The following FGF13 variants were observed in gnomAD, a reference collection of about 807,000 sequenced individuals.
The protein encoded by FGF13 is fibroblast growth factor homologous factor 2.
FGF13 carries 2 observed loss-of-function variants against 19.5 expected under a neutral mutation model. The ratio of observed to expected loss-of-function variants is 0.10; its 90% CI spans 0.04 to 0.32. The LOEUF (loss-of-function observed/expected upper bound fraction) is 0.32, where lower values mean the gene tolerates loss of function less well. FGF13 is among the 10% of genes least tolerant of loss of function. The pLI is 1.00. For synonymous variants in FGF13, 72 were observed against 76.9 expected (o/e 0.94, Z 0.33); for missense variants, 113 against 192.7 (o/e 0.59, Z 2.45).
intron 1 of FGF13, among the ~76,000 whole-genome samples, chrX:138,872,630 A>G (rs970559894): frequency 1.8e-5 from 2 of 111,999 alleles, no homozygotes; most frequent in African/African-American, 6.5e-5. Context: ...CAGAGCTTAC[A>G]TGGGGCAGGG....
chrX:139,137,548 C>G (rs2083810440), intron 1 of FGF13, among the ~76,000 whole-genome samples: 1 of 111,985 alleles, frequency 8.9e-6, no homozygotes, highest in Admixed American at 9.5e-5. Context: ...CTCATTAGGG[C>G]TAAGCACACA....
intron 1 of FGF13, among the ~76,000 whole-genome samples, chrX:138,951,032 T>C (rs539754393): frequency 1.8e-5 from 2 of 112,003 alleles, no homozygotes; most frequent in South Asian, 7.5e-4. Context: ...TACTTGCTTA[T>C]TTAATAATGA....
chrX:138,643,150 A>G (rs1307047610), intron 3 of FGF13, among the ~76,000 whole-genome samples: 1 of 112,198 alleles, frequency 8.9e-6, no homozygotes, highest in East Asian at 2.8e-4. Context: ...TGCTGAAAAC[A>G]GAGCTAGGAC....
chrX:138,780,328 T>C (rs1292975777), intron 3 of FGF13, among the ~76,000 whole-genome samples: 2 of 97,590 alleles, frequency 2.0e-5, no homozygotes, highest in Non-Finnish European at 4.1e-5. Flanking sequence ...TAACTTTAAA[T>C]GTAAATGGAC....
chrX:138,977,913 G>A (rs1020884851), intron 1 of FGF13, among the ~76,000 whole-genome samples: 7 of 111,978 alleles, frequency 6.3e-5, no homozygotes, highest in East Asian at 2.8e-4. Context: ...ACTATATGTC[G>A]TCATATAAAT....
At chrX:138,880,794 C>A (rs972832979) in intron 1 of FGF13, among the ~76,000 whole-genome samples, 1 of 111,923 alleles carries the variant, frequency 8.9e-6, no homozygotes, top group African/African-American at 3.2e-5. Flanking sequence ...ATATGTATAT[C>A]CTTATGCCAG....
chrX:138,885,130 T>G (rs1331073164), intron 1 of FGF13, among the ~76,000 whole-genome samples: 3 of 111,836 alleles, frequency 2.7e-5, no homozygotes, highest in Admixed American at 1.9e-4. Context: ...GTCAGGTTCC[T>G]TAGGTAGAAG....
intron 1 of FGF13, among the ~76,000 whole-genome samples, chrX:138,963,417 C>A (rs1267103367): frequency 8.9e-6 from 1 of 112,584 alleles, no homozygotes; most frequent in East Asian, 2.8e-4. Flanking sequence ...CTATGTGACT[C>A]CCCTGGCTTG....
At chrX:138,941,849 A>G (rs1028427707) in intron 1 of FGF13, among the ~76,000 whole-genome samples, 1 of 112,116 alleles carries the variant, frequency 8.9e-6, no homozygotes, top group African/African-American at 3.2e-5. Flanking sequence ...TGTGTCTATG[A>G]TCAAGTCCCC....
At chrX:138,751,711 G>A (rs1285696334) in intron 3 of FGF13, among the ~76,000 whole-genome samples, 1 of 111,639 alleles carries the variant, frequency 9.0e-6, no homozygotes, top group South Asian at 3.8e-4. Flanking sequence ...CCTGTGTATG[G>A]AATGCATCGT....
intron 3 of FGF13, among the ~76,000 whole-genome samples, chrX:138,697,182 G>T (rs2124222824): frequency 8.9e-6 from 1 of 111,775 alleles, no homozygotes; most frequent in African/African-American, 3.2e-5. Flanking sequence ...TGTCACAACT[G>T]CTAAGGGGCT....
At chrX:139,181,428 CA>C (rs2084236863) in intron 1 of FGF13, among the ~76,000 whole-genome samples, 1 of 112,983 alleles carries the variant, frequency 8.9e-6, no homozygotes, top group African/African-American at 3.2e-5. Flanking sequence ...CTCCAAAGCT[CA>C]CCTTGGTTTT....
At chrX:139,191,921 G>C (rs1017414593) in intron 1 of FGF13, among the ~76,000 whole-genome samples, 3 of 111,360 alleles carry the variant, frequency 2.7e-5, no homozygotes, top group Non-Finnish European at 3.8e-5. Context: ...TAACAGCTGT[G>C]CTAGGATTGC....
chrX:138,774,511 C>T (rs954558063), intron 3 of FGF13, among the ~76,000 whole-genome samples: 2 of 111,714 alleles, frequency 1.8e-5, no homozygotes, highest in African/African-American at 6.5e-5. Flanking sequence ...AATTAACATT[C>T]AAACTGAGAG....
intron 1 of FGF13, among the ~76,000 whole-genome samples, chrX:139,161,638 A>T (rs2084035048): frequency 8.9e-6 from 1 of 111,903 alleles, no homozygotes; most frequent in African/African-American, 3.3e-5. Flanking sequence ...CATGATTGTA[A>T]ATTTAGACAA....
At chrX:138,842,678 T>C (rs966091945) in intron 3 of FGF13, among the ~76,000 whole-genome samples, 1 of 111,043 alleles carries the variant, frequency 9.0e-6, no homozygotes, top group Admixed American at 9.7e-5. Flanking sequence ...TATTTGGCAA[T>C]ATTTGGACAT....
At chrX:138,970,979 G>A (rs2091913114) in intron 1 of FGF13, among the ~76,000 whole-genome samples, 1 of 111,641 alleles carries the variant, frequency 9.0e-6, no homozygotes, top group Admixed American at 9.6e-5. Context: ...CCTGGTCTCC[G>A]CAGTTAACAA....
chrX:138,918,956 T>C (rs2091631338), intron 1 of FGF13, among the ~76,000 whole-genome samples: 1 of 111,671 alleles, frequency 9.0e-6, no homozygotes, highest in Non-Finnish European at 1.9e-5. Flanking sequence ...TTCTAACTTA[T>C]GAGGTGCTTC....
At chrX:138,929,545 T>C (rs1351058804) in intron 1 of FGF13, among the ~76,000 whole-genome samples, 1 of 110,853 alleles carries the variant, frequency 9.0e-6, no homozygotes, top group Non-Finnish European at 1.9e-5. Context: ...AAAATAATTG[T>C]GTTCATACTA....
Sources: gnomAD v4.1 joint callset for allele counts (sites outside exome capture counted in the v4.1 genomes callset) on GRCh38, gnomAD v4.1.1 for gene constraint, MANE v1.5 for transcripts, NCBI Gene and HGNC (gene_info 2026-07-23, HGNC 2026-07-21) for gene names.